The following CFDP1 variants were observed in gnomAD, a reference collection of about 807,000 sequenced individuals.
The protein encoded by CFDP1 is heterochromatin-stabilizing protein CFDP1.
In CFDP1, 31 loss-of-function variants were observed where a neutral mutation model predicts 40.1. That is an observed-to-expected ratio of 0.77 (90% CI 0.58 to 1.04). CFDP1 has a LOEUF of 1.04. Ranked by LOEUF, CFDP1 falls within the 50% of genes least tolerant of loss-of-function variation. The pLI is 0.00. For missense variants in CFDP1, 423 were observed against 343.4 expected (o/e 1.23, Z -1.83); for synonymous variants, 167 against 120.0 (o/e 1.39, Z -2.56).
chr16:75,376,628 A>G (rs28790286), intron 5 of CFDP1, among the ~76,000 whole-genome samples: 2,110 of 152,312 alleles, frequency 0.014, 35 homozygotes, highest in African/African-American at 0.048. Flanking sequence ...AACTTTCTGG[A>G]GTGACGGAAT....
intron 5 of CFDP1, among the ~76,000 whole-genome samples, chr16:75,376,928 G>A (rs775901282): frequency 1.3e-5 from 2 of 152,208 alleles, no homozygotes; most frequent in African/African-American, 2.4e-5. Context: ...GTAATTAAAA[G>A]TAGATATAAA....
At position 75,309,409 on chromosome 16, in the gene CFDP1, G is replaced by A. The variant is rs139465759; in HGVS notation, c.651-4227C>T. Among the ~76,000 whole-genome samples, 365 of 152,118 alleles carry A rather than the reference G, an allele frequency of 2.4e-3. 1 individual carries two copies. Among genetic ancestry groups the A allele is most frequent in the African/African-American group, 7.8e-3 (324 of 41,496 alleles). On this transcript the variant is annotated intron_variant, in intron 5 of 6. Coordinates refer to ENST00000283882, the MANE Select transcript of CFDP1 (RefSeq NM_006324.3). ...AAGCCTACTTCAGCCACGCACCTCC[G>A]AGAACTATGGCTAGCAGGGGACAAA...
intron 5 of CFDP1, among the ~76,000 whole-genome samples, chr16:75,330,037 C>T (rs1474096225): frequency 1.3e-5 from 2 of 152,166 alleles, no homozygotes; most frequent in Non-Finnish European, 2.9e-5. Flanking sequence ...ATTAGAAATG[C>T]AAACTCTAGG....
At chr16:75,349,262 A>T (rs1422618487) in intron 5 of CFDP1, among the ~76,000 whole-genome samples, 1 of 151,938 alleles carries the variant, frequency 6.6e-6, no homozygotes, top group Non-Finnish European at 1.5e-5. Context: ...TGTAATCTCA[A>T]GGCACTGTGG....
intron 5 of CFDP1, among the ~76,000 whole-genome samples, chr16:75,308,089 T>C (rs1022269460): frequency 6.6e-6 from 1 of 152,206 alleles, no homozygotes; most frequent in Non-Finnish European, 1.5e-5. Context: ...GGACTTTCCA[T>C]TTCTGGCTGC....
intron 5 of CFDP1, chr16:75,391,335 T>A (rs1000909164): frequency 2.0e-5 from 3 of 152,202 alleles, no homozygotes; most frequent in Admixed American, 2.0e-4. Flanking sequence ...TTCATAGCAA[T>A]ACTTTCAATA....
intron 5 of CFDP1, among the ~76,000 whole-genome samples, chr16:75,369,150 T>C (rs2078735261): frequency 6.6e-6 from 1 of 152,048 alleles, no homozygotes; most frequent in Non-Finnish European, 1.5e-5. Context: ...CCAAAGTAAA[T>C]ACAGTCCTCC....
intron 5 of CFDP1, among the ~76,000 whole-genome samples, chr16:75,375,539 C>G (rs2078785577): frequency 6.6e-6 from 1 of 152,116 alleles, no homozygotes; most frequent in Non-Finnish European, 1.5e-5. Context: ...TGCCTGTAAT[C>G]CCAGCACTTT....
At chr16:75,424,369 G>C (rs1026063479) in intron 1 of CFDP1, among the ~76,000 whole-genome samples, 1 of 152,128 alleles carries the variant, frequency 6.6e-6, no homozygotes, top group Non-Finnish European at 1.5e-5. Flanking sequence ...GGGTTTAAAC[G>C]GCAGGCAGAC....
At chr16:75,318,696 G>A (rs546654108) in intron 5 of CFDP1, among the ~76,000 whole-genome samples, 8 of 152,144 alleles carry the variant, frequency 5.3e-5, no homozygotes, top group African/African-American at 1.7e-4. Flanking sequence ...GAGCCACTGC[G>A]CCCGGCCGGC....
intron 5 of CFDP1, among the ~76,000 whole-genome samples, chr16:75,319,282 T>A (rs897654327): frequency 6.6e-6 from 1 of 152,166 alleles, no homozygotes; most frequent in Non-Finnish European, 1.5e-5. Flanking sequence ...GACCTTATAA[T>A]CCACCTACCT....
intron 5 of CFDP1, among the ~76,000 whole-genome samples, chr16:75,332,284 G>A (rs2078451587): frequency 6.6e-6 from 1 of 152,050 alleles, no homozygotes; most frequent in Non-Finnish European, 1.5e-5. Context: ...GGACAATATG[G>A]TGAAACCCCA....
chr16:75,432,306 T>G (rs1245207339), intron 1 of CFDP1, among the ~76,000 whole-genome samples: 1 of 127,810 alleles, frequency 7.8e-6, no homozygotes. Context: ...GTGGCTGAGG[T>G]GGGAGGATCA....
At chr16:75,384,047 T>C (rs1484401473) in intron 5 of CFDP1, among the ~76,000 whole-genome samples, 1 of 152,134 alleles carries the variant, frequency 6.6e-6, no homozygotes, top group East Asian at 1.9e-4. Context: ...AAAAAGTCTG[T>C]TTTGGTAACA....
At chr16:75,319,023 T>G (rs1476564146) in intron 5 of CFDP1, among the ~76,000 whole-genome samples, 1 of 152,166 alleles carries the variant, frequency 6.6e-6, no homozygotes, top group Non-Finnish European at 1.5e-5. Context: ...TTTGCAAAAT[T>G]ACTCCCTCTC....
At chr16:75,410,532 G>C (rs1227214161) in intron 4 of CFDP1, among the ~76,000 whole-genome samples, 1 of 152,112 alleles carries the variant, frequency 6.6e-6, no homozygotes, top group Non-Finnish European at 1.5e-5. Context: ...TCAGCACTTT[G>C]TGAGGCCAAG....
intron 4 of CFDP1, among the ~76,000 whole-genome samples, chr16:75,403,134 T>C (rs991909440): frequency 6.6e-6 from 1 of 152,180 alleles, no homozygotes; most frequent in African/African-American, 2.4e-5. Flanking sequence ...TACCATCCAC[T>C]TGTTTTCAAA....
intron 6 of CFDP1, among the ~76,000 whole-genome samples, chr16:75,304,611 G>T (rs1405679592): frequency 6.6e-6 from 1 of 152,140 alleles, no homozygotes; most frequent in African/African-American, 2.4e-5. Context: ...TCACAATAAT[G>T]CAACATCTAG....
intron 5 of CFDP1, among the ~76,000 whole-genome samples, chr16:75,321,687 G>A (rs1209368487): frequency 6.6e-6 from 1 of 152,078 alleles, no homozygotes; most frequent in Non-Finnish European, 1.5e-5. Context: ...ACTCATGACT[G>A]TATTCTCTCC....
Sources: allele counts gnomAD v4.1 joint callset (sites outside exome capture counted in the v4.1 genomes callset), GRCh38; gene constraint gnomAD v4.1.1; transcripts MANE v1.5; gene names NCBI Gene and HGNC (gene_info 2026-07-23, HGNC 2026-07-21).